CRMP1: variants seen among roughly 807,000 people sequenced by gnomAD.
The protein encoded by CRMP1 is collapsin response mediator protein 1, also known as dihydropyrimidinase-related protein 1.
In CRMP1, 19 loss-of-function variants were observed where a neutral mutation model predicts 68.3. The ratio of observed to expected loss-of-function variants is 0.28; its 90% CI spans 0.19 to 0.41. The LOEUF (loss-of-function observed/expected upper bound fraction) is 0.41, where lower values mean the gene tolerates loss of function less well. Among genes scored for constraint, CRMP1 ranks in the 10% least tolerant of loss-of-function variants. The probability of loss-of-function intolerance (pLI) is 1.00; values close to 1 mark genes in which losing one functional copy is unlikely to be tolerated. For synonymous variants in CRMP1, 439 were observed against 399.6 expected (o/e 1.10, Z -1.18); for missense variants, 791 against 967.4 (o/e 0.82, Z 2.42).
At chr4:5,824,444 A>C in intron 13 of CRMP1, 2 of 985,392 alleles carry the variant, frequency 2.0e-6, no homozygotes, top group Non-Finnish European at 2.4e-6. Flanking sequence ...TGAATGGATA[A>C]GAGGTTCTGC....
Position 5,892,173 on chromosome 4 carries a change from G to A in CRMP1, c.381+416C>T, listed in dbSNP as rs945376942. Among the ~76,000 whole-genome samples, 5 of 152,102 alleles carry A rather than the reference G, an allele frequency of 3.3e-5. No individual in the cohort carries two copies. Among genetic ancestry groups the A allele is most frequent in the South Asian group, 2.1e-4 (1 of 4,824 alleles). On this transcript the variant is annotated intron_variant, in intron 1 of 13. Transcript: ENST00000324989. This position sits in a 1 kb window ranked among gnomAD's most constrained non-coding sequence, Gnocchi z 8.6. ...GTGCTCTATAATTACTACCGACTGA[G>A]TGGATGGATGAATGGACCAACACGG... is the stretch of plus-strand genomic sequence containing the variant.
rs531289469 is a variant in CRMP1, at chr4:5,843,306, G to A, written c.964-145C>T. Reference sequence around the variant, plus strand: ...CACTAGGTTAACAGTGTGCGGGGTGGGGGCAGTGAACTGTGTCCCCTCCAC... The same window carrying A: ...CACTAGGTTAACAGTGTGCGGGGTGAGGGCAGTGAACTGTGTCCCCTCCAC... On this transcript the variant is annotated intron_variant, in intron 6 of 13. Transcript: ENST00000324989. This position sits in a 1 kb window ranked among gnomAD's most constrained non-coding sequence, Gnocchi z 4.1. 63 of 723,650 alleles carry A rather than the reference G, an allele frequency of 8.7e-5. No individual in the cohort carries two copies. In the African/African-American group the frequency reaches 9.0e-4, roughly 10 times the overall value. The allele number at this position is 723,650 out of a possible 1,614,324, so 44.8% of individuals were successfully genotyped here.
Position 5,860,496 on chromosome 4 carries a change from A to G in CRMP1, c.655+530T>C, listed in dbSNP as rs1240430663. 2.0e-5 allele frequency among the ~76,000 whole-genome samples: 3 copies of G among 152,188 alleles called. No individual in the cohort carries two copies. Among genetic ancestry groups the G allele is most frequent in the Non-Finnish European group, 4.4e-5 (3 of 68,036 alleles). On this transcript the variant is annotated intron_variant, in intron 3 of 13. Coordinates refer to ENST00000324989, the MANE Select transcript of CRMP1 (RefSeq NM_001014809.3). The surrounding 1 kb of genome is among the most constrained non-coding windows in gnomAD (Gnocchi z 4.2). ...TCACAGTATTACTGCAGCAATACTAATACAACCACTTCCCAGCTGTGTCTC... is the reference window on the plus strand; with the variant it reads ...TCACAGTATTACTGCAGCAATACTAGTACAACCACTTCCCAGCTGTGTCTC...
At chr4:5,846,757 A>ATTTTTTTTTTTTT (rs71171490) in intron 6 of CRMP1, among the ~76,000 whole-genome samples, 2 of 53,710 alleles carry the variant, frequency 3.7e-5, no homozygotes, top group African/African-American at 2.2e-4. Context: ...TGCCCGGCTA[A>ATTTTTTTTTTTTT]TTTTTTTTTT....
Position 5,821,442 on chromosome 4 carries a change from C to A in CRMP1, c.*318G>T. 2.8e-6 allele frequency: 1 copy of A among 361,748 alleles called. No homozygotes were observed. The highest frequency in any genetic ancestry group is 6.6e-5 in the South Asian group (1 of 15,044). 22.4% of individuals were successfully genotyped at this position (361,748 alleles called of 1,614,324 possible). A position where few individuals can be genotyped will look rare whatever the true frequency, so the allele number is the denominator to read the frequency against. On this transcript the variant is annotated 3_prime_UTR_variant, in exon 14 of 14. Transcript: ENST00000324989. This position sits in a 1 kb window ranked among gnomAD's most constrained non-coding sequence, Gnocchi z 4.4. The stretch of plus-strand genomic sequence containing the variant: ...GCAAAGGAACCACCACTCAGAGAAT[C>A]ATGGAGCCAGTGGAGTTAGAAGTGG...
At position 5,860,895 on chromosome 4, in the gene CRMP1, G is replaced by C; in HGVS notation, c.655+131C>G. 1 of 893,992 alleles carries C rather than the reference G, an allele frequency of 1.1e-6. No homozygotes were observed. The highest frequency in any genetic ancestry group is 1.7e-5 in the South Asian group (1 of 57,400). 55.4% of individuals were successfully genotyped at this position (893,992 alleles called of 1,614,324 possible). The stretch of plus-strand genomic sequence containing the variant: ...TGTAAAACAGTGACCTGTGTCATAG[G>C]GCTGGGGGGAGAATGAAATCCAATG... On this transcript the variant is annotated intron_variant, in intron 3 of 13. Transcript: ENST00000324989. The surrounding 1 kb of genome is among the most constrained non-coding windows in gnomAD (Gnocchi z 4.2).
chr4:5,822,497 G>A (rs868688605), intron 13 of CRMP1, among the ~76,000 whole-genome samples: 1 of 120,622 alleles, frequency 8.3e-6, no homozygotes, highest in South Asian at 2.4e-4. Context: ...ATCTGAAGGG[G>A]GGGGGGGTGG....
Position 5,891,237 on chromosome 4 carries a change from G to A in CRMP1, c.381+1352C>T, listed in dbSNP as rs1715936715. 7.3e-6 allele frequency among the ~76,000 whole-genome samples: 1 copy of A among 137,164 alleles called. No individual in the cohort carries two copies. Among genetic ancestry groups the A allele is most frequent in the Non-Finnish European group, 1.6e-5 (1 of 62,760 alleles). 90.0% of individuals were successfully genotyped at this position (137,164 alleles called of 152,430 possible). A position where few individuals can be genotyped will look rare whatever the true frequency, so the allele number is the denominator to read the frequency against. ...ACCCTTGCTGTTGGACCTCTCCCTCGCGAGGCTCCGGCTTCAGGACCACGG... is the reference window on the plus strand; with the variant it reads ...ACCCTTGCTGTTGGACCTCTCCCTCACGAGGCTCCGGCTTCAGGACCACGG... On this transcript the variant is annotated intron_variant, in intron 1 of 13. Transcript: ENST00000324989. The surrounding 1 kb of genome is among the most constrained non-coding windows in gnomAD (Gnocchi z 5.2).
rs1716026648 is a variant in CRMP1, at chr4:5,893,071, G to T, written c.-102C>A. 2.4e-6 allele frequency: 2 copies of T among 820,268 alleles called. No homozygotes were observed. Among genetic ancestry groups the T allele is most frequent in the African/African-American group, 1.9e-5 (1 of 53,592 alleles). 50.8% of individuals were successfully genotyped at this position (820,268 alleles called of 1,614,324 possible). On this transcript the variant is annotated 5_prime_UTR_variant, in exon 1 of 14. Transcript: ENST00000324989. ...CGCGCCTCGGTGCGGGCCTGCGGCGGCCCGGGCGCGACTGCGGCCCAGGGA... is the reference window on the plus strand; with the variant it reads ...CGCGCCTCGGTGCGGGCCTGCGGCGTCCCGGGCGCGACTGCGGCCCAGGGA...
In CRMP1 at chr4:5,890,039, A is replaced by G. The variant is rs759443834; in HGVS notation, c.381+2550T>C. 7.6e-6 allele frequency: 5 copies of G among 655,106 alleles called. No homozygotes were observed. Among genetic ancestry groups the G allele is most frequent in the Admixed American group, 4.6e-5 (1 of 21,978 alleles). The allele number at this position is 655,106 out of a possible 1,614,324, so 40.6% of individuals were successfully genotyped here. ...CAGGTTCCCCTACACTCTGTTTACA[A>G]CTCATTTCCCTCCACGCATTCATGC... is the stretch of plus-strand genomic sequence containing the variant. On this transcript the variant is annotated intron_variant, in intron 1 of 13. Coordinates refer to ENST00000324989, the MANE Select transcript of CRMP1 (RefSeq NM_001014809.3). This position sits in a 1 kb window ranked among gnomAD's most constrained non-coding sequence, Gnocchi z 5.5.
rs1718502099 is a variant in CRMP1 at position 5,821,296 on chromosome 4, G to C, written c.*464C>G. The C allele has an allele frequency of 6.3e-6, 1 of 158,354 alleles. No individual in the cohort carries two copies. The highest frequency in any genetic ancestry group is 1.8e-4 in the East Asian group (1 of 5,536). The allele number at this position is 158,354 out of a possible 1,614,324, so 9.8% of individuals were successfully genotyped here. A position where few individuals can be genotyped will look rare whatever the true frequency, so the allele number is the denominator to read the frequency against. ...GTAAGGGTTTTGGGACTGCCCCTCA[G>C]GGCTTGAGGTCTCGGCATCGTGTCT... On this transcript the variant is annotated 3_prime_UTR_variant, in exon 14 of 14. Coordinates refer to ENST00000324989, the MANE Select transcript of CRMP1 (RefSeq NM_001014809.3). This position sits in a 1 kb window ranked among gnomAD's most constrained non-coding sequence, Gnocchi z 4.4.
chr4:5,887,749 G>A lies in CRMP1; in HGVS notation c.381+4840C>T, dbSNP rs986694037. On this transcript the variant is annotated intron_variant, in intron 1 of 13. Coordinates refer to ENST00000324989, the MANE Select transcript of CRMP1 (RefSeq NM_001014809.3). ...TCCACTCCATCAGTAAAGGCGGGGA[G>A]TGGGGAGCGCTGGATGATCTTTTTC... The A allele has an allele frequency of 4.8e-5, 47 of 986,026 alleles. 1 individual carries two copies. In the African/African-American group the frequency reaches 7.9e-4, roughly 16 times the overall value. 61.1% of individuals were successfully genotyped at this position (986,026 alleles called of 1,614,324 possible).
chr4:5,857,008 TCAC>T (rs1271479077), intron 3 of CRMP1, among the ~76,000 whole-genome samples: 2 of 2,562 alleles, frequency 7.8e-4, no homozygotes, highest in African/African-American at 2.5e-3. Context: ...TCCACTATCA[TCAC>T]CACCATCTGC....
chr4:5,856,483 A>C (rs201169412), intron 3 of CRMP1, among the ~76,000 whole-genome samples, 176 bp from the exon 4 acceptor site: 9,678 of 151,736 alleles, frequency 0.064, 392 homozygotes, highest in South Asian at 0.11. Context: ...TATCACCACC[A>C]CAATCATCAC....
intron 2 of CRMP1, among the ~76,000 whole-genome samples, chr4:5,863,541 C>T (rs1435316162): frequency 3.9e-5 from 6 of 152,120 alleles, no homozygotes; most frequent in African/African-American, 7.2e-5. Flanking sequence ...CAGTGAATGG[C>T]GCTCAATAGC....
At chr4:5,833,677 T>C (rs1013966724) in intron 11 of CRMP1, among the ~76,000 whole-genome samples, 1 of 152,114 alleles carries the variant, frequency 6.6e-6, no homozygotes, top group African/African-American at 2.4e-5. Flanking sequence ...AAAACAGTAT[T>C]TGGCTGGATT....
In CRMP1 at chr4:5,861,338, G is replaced by T; in HGVS notation, c.471-128C>A. 1.1e-6 allele frequency: 1 copy of T among 918,286 alleles called. No homozygotes were observed. Among genetic ancestry groups the T allele is most frequent in the Non-Finnish European group, 1.6e-6 (1 of 606,844 alleles). 56.9% of individuals were successfully genotyped at this position (918,286 alleles called of 1,614,324 possible). A position where few individuals can be genotyped will look rare whatever the true frequency, so the allele number is the denominator to read the frequency against. On this transcript the variant is annotated intron_variant, in intron 2 of 13. Coordinates refer to ENST00000324989, the MANE Select transcript of CRMP1 (RefSeq NM_001014809.3). This position sits in a 1 kb window ranked among gnomAD's most constrained non-coding sequence, Gnocchi z 6.0. ...CCCTTCACAAGGCCCTGGGGAGACA[G>T]AGATAACTCAGGCAGGGCACATGCC... is the stretch of plus-strand genomic sequence containing the variant.
rs1031043180 is a variant in CRMP1, at chr4:5,892,951, C to A, written c.19G>T (p.Ala7Ser). 44 of 1,236,238 alleles carry A rather than the reference C, an allele frequency of 3.6e-5. No individual in the cohort carries two copies. Among genetic ancestry groups the A allele is most frequent in the Non-Finnish European group, 4.5e-5 (44 of 988,264 alleles). 76.6% of individuals were successfully genotyped at this position (1,236,238 alleles called of 1,614,324 possible). Residue 7 changes from alanine to serine, a missense_variant, in exon 1 of 14, where the codon GCG becomes TCG. By Grantham distance (99) the Ala-to-Ser change is moderately conservative (BLOSUM62 1). This residue lies in a region of CRMP1 where 4 missense variants were observed against 17.5 expected (regional missense o/e 0.23). Transcript: ENST00000324989. The surrounding 1 kb of genome is among the most constrained non-coding windows in gnomAD (Gnocchi z 8.6). MADRRRAWNTEDDLPVY... is the reference protein window; with the variant it reads MADRRRSWNTEDDLPVY... The stretch of plus-strand genomic sequence containing the variant: ...GGCAGGTCGTCCTCGGTGTTCCACG[C>A]GCGCCGCCGGTCCGCCATACCCGTC...
At chr4:5,873,745 G>A (rs1482672386) in intron 1 of CRMP1, among the ~76,000 whole-genome samples, 1 of 152,118 alleles carries the variant, frequency 6.6e-6, no homozygotes, top group Admixed American at 6.5e-5. Flanking sequence ...TATTCCATGG[G>A]GAAAGACACA....
Sources: allele counts gnomAD v4.1 joint callset (sites outside exome capture counted in the v4.1 genomes callset), GRCh38; gene constraint gnomAD v4.1.1; regional missense constraint gnomAD v4.1.1; non-coding constraint Gnocchi (gnomAD v3.1); transcripts MANE v1.5; gene names NCBI Gene and HGNC (gene_info 2026-07-23, HGNC 2026-07-21).